The following LRRC63 variants were observed in gnomAD, a reference collection of about 807,000 sequenced individuals.
The protein encoded by LRRC63 is leucine rich repeat containing 63, also known as leucine-rich repeat-containing protein 63.
A neutral mutation model predicts 49.5 loss-of-function variants in LRRC63; 40 were observed. The ratio of observed to expected loss-of-function variants is 0.81; its 90% confidence interval spans 0.63 to 1.05. LRRC63 has a LOEUF of 1.05. Among genes scored for constraint, LRRC63 ranks in the 50% least tolerant of loss-of-function variants. LRRC63 has a pLI of 0.00. For missense variants in LRRC63, 636 were observed against 663.1 expected, an observed-to-expected ratio of 0.96 and a Z score of 0.45; for synonymous variants, 191 against 221.1, an observed-to-expected ratio of 0.86 and a Z score of 1.21.
At chr13:46,217,146 C>T (rs946038420) in intron 2 of LRRC63, among the ~76,000 whole-genome samples, 2 of 152,184 alleles carry the variant, frequency 1.3e-5, no homozygotes, top group African/African-American at 2.4e-5. Flanking sequence ...GGAGGAGTCC[C>T]TCTTTTTCTG....
chr13:46,240,850 G>C (rs1265762940), intron 5 of LRRC63, among the ~76,000 whole-genome samples: 1 of 152,134 alleles, frequency 6.6e-6, no homozygotes, highest in African/African-American at 2.4e-5. Flanking sequence ...CAAGCAAATG[G>C]AAAAATGTTC....
At chr13:46,270,122 G>C in intron 9 of LRRC63, 1 of 670,546 alleles carries the variant, frequency 1.5e-6, no homozygotes, top group Non-Finnish European at 2.7e-6. Flanking sequence ...GCCTTTGTTC[G>C]TGGATCAATA....
intron 7 of LRRC63, among the ~76,000 whole-genome samples, chr13:46,258,312 G>A (rs1367511620): frequency 1.3e-5 from 2 of 150,324 alleles, no homozygotes; most frequent in African/African-American, 2.4e-5. Flanking sequence ...TGTATTTTTA[G>A]TAGAGACGGG....
Position 46,266,976 on chromosome 13 carries a change from A to C in LRRC63, c.1550+4A>C. On this transcript the variant is annotated splice_donor_region_variant and intron_variant, in intron 9 of 9. Coordinates refer to ENST00000595396, the Ensembl canonical transcript of LRRC63. ...AAGTTCAGAAGTTACTAAAATGGTG[A>C]GCAAATGCTGAAGCCCTTTTAACCA... 1 of 1,521,250 alleles carries C rather than the reference A, an allele frequency of 6.6e-7. No homozygotes were observed. Among genetic ancestry groups the C allele is most frequent in the South Asian group, 1.3e-5 (1 of 78,772 alleles). The allele number at this position is 1,521,250 out of a possible 1,614,324, so 94.2% of individuals were successfully genotyped here. A position where few individuals can be genotyped will look rare whatever the true frequency, so the allele number is the denominator to read the frequency against.
At position 46,258,534 on chromosome 13, in the gene LRRC63, GCA is replaced by G. The variant is rs1485798439; in HGVS notation, c.1227-3374_1227-3373del. On this transcript the variant is annotated intron_variant, in intron 7 of 9. Coordinates refer to ENST00000595396, the Ensembl canonical transcript of LRRC63. ...TAAGAAAATCTTGTAAATTGGCTGG[GCA>G]TGGTGGCTCACGCCTGTAATCCCAG... Among the ~76,000 whole-genome samples the G allele has an allele frequency of 1.5e-3, 221 of 151,076 alleles. 2 individuals carry two copies. Among genetic ancestry groups the G allele is most frequent in the East Asian group, 7.1e-3 (36 of 5,070 alleles).
At chr13:46,266,863 T>G in exon 9 of LRRC63, 3 of 1,549,668 alleles carry the variant, frequency 1.9e-6, no homozygotes, top group Non-Finnish European at 2.6e-6. Flanking sequence ...AGATAATTAT[T>G]TGAATAATCC....
rs146577862 is a variant in LRRC63 at position 46,218,110 on chromosome 13, A to G, written c.85+4991A>G. On this transcript the variant is annotated intron_variant, in intron 2 of 9. Coordinates refer to ENST00000595396, the Ensembl canonical transcript of LRRC63. ...GGGGTGGAGAGTTCTGTAGATGTCT[A>G]TTAGGTCTTCTTGGTCCAAAGCTGA... Among the ~76,000 whole-genome samples the G allele has an allele frequency of 2.4e-3, 364 of 152,320 alleles. 2 individuals carry two copies. The highest frequency in any genetic ancestry group is 7.7e-3 in the African/African-American group (321 of 41,570).
rs1230212129 is a variant in LRRC63, at chr13:46,237,008, G to C, written c.990+2659G>C. Among the ~76,000 whole-genome samples, 4 of 152,228 alleles carry C rather than the reference G, an allele frequency of 2.6e-5. No homozygotes were observed. In the South Asian group the frequency reaches 8.3e-4, roughly 32 times the overall value. Reference sequence around the variant, plus strand: ...CATTGTTGTAAATTTAGGATGCCAAGTGCAATCCCATAGTAACTACTACTG... The same window carrying C: ...CATTGTTGTAAATTTAGGATGCCAACTGCAATCCCATAGTAACTACTACTG... On this transcript the variant is annotated intron_variant, in intron 5 of 9. Transcript: ENST00000595396.
At chr13:46,255,645 A>AAAAAAAAAAAAAAAATATATATATAT (rs1555328641) in intron 7 of LRRC63, among the ~76,000 whole-genome samples, 17 of 129,448 alleles carry the variant, frequency 1.3e-4, no homozygotes, top group African/African-American at 4.9e-4. Context: ...CCCTGCCTCA[A>AAAAAAAAAAAAAAAATATATATATAT]ATATATATAT....
intron 5 of LRRC63, among the ~76,000 whole-genome samples, chr13:46,241,073 G>A (rs917718100): frequency 6.6e-6 from 1 of 152,172 alleles, no homozygotes; most frequent in African/African-American, 2.4e-5. Flanking sequence ...CATGCTACCT[G>A]CCTTCGTACT....
At chr13:46,276,854 A>ATT (rs1197377473) in exon 10 of LRRC63, 42 of 118,870 alleles carry the variant, frequency 3.5e-4, no homozygotes, top group Middle Eastern at 5.0e-3. Context: ...ATATATATTT[A>ATT]TATATATATA....
At position 46,234,176 on chromosome 13, in the gene LRRC63, T is replaced by C. The variant is rs372818071; in HGVS notation, c.833-16T>C. 141 of 1,538,966 alleles carry C rather than the reference T, an allele frequency of 9.2e-5. No individual in the cohort carries two copies. In the African/African-American group the frequency reaches 1.7e-3, roughly 19 times the overall value. On this transcript the variant is annotated splice_polypyrimidine_tract_variant and intron_variant, in intron 4 of 9. Coordinates refer to ENST00000595396, the Ensembl canonical transcript of LRRC63. The stretch of plus-strand genomic sequence containing the variant: ...CACATTTAAATTTTATGTTTTGTTT[T>C]GTTTTGTTTATTTAGGTCTCACCAA...
At chr13:46,217,267 A>C (rs2046277863) in intron 2 of LRRC63, among the ~76,000 whole-genome samples, 1 of 152,178 alleles carries the variant, frequency 6.6e-6, no homozygotes, top group Non-Finnish European at 1.5e-5. Flanking sequence ...TAGGCTATTA[A>C]TTACTGCCTC....
chr13:46,247,820 A>G (rs2047256991), intron 6 of LRRC63, among the ~76,000 whole-genome samples: 1 of 152,132 alleles, frequency 6.6e-6, no homozygotes, highest in Non-Finnish European at 1.5e-5. Context: ...GAGAAGGTAG[A>G]AGCAGAAATG....
chr13:46,243,944 A>G (rs1438576408), intron 5 of LRRC63, among the ~76,000 whole-genome samples: 2 of 152,230 alleles, frequency 1.3e-5, no homozygotes, highest in Non-Finnish European at 2.9e-5. Flanking sequence ...AGAAAAGCTG[A>G]ATTCATTTTT....
At chr13:46,246,259 T>C (rs2047209918) in intron 5 of LRRC63, among the ~76,000 whole-genome samples, 1 of 152,200 alleles carries the variant, frequency 6.6e-6, no homozygotes. Context: ...CTTTTCTTTA[T>C]AAATTACCCA....
intron 2 of LRRC63, 99 bp from the exon 3 acceptor site, chr13:46,227,413 G>A: frequency 1.3e-6 from 1 of 783,660 alleles, no homozygotes. Flanking sequence ...TAGAAGGTGA[G>A]AAAGGGGTGA....
At chr13:46,228,579 A>G in intron 3 of LRRC63, 86 bp from the exon 4 acceptor site, 2 of 775,398 alleles carry the variant, frequency 2.6e-6, no homozygotes, top group South Asian at 3.2e-5. Context: ...CCATTAAATG[A>G]TGAACAATTA....
At chr13:46,238,043 C>CA (rs891328534) in intron 5 of LRRC63, among the ~76,000 whole-genome samples, 3 of 151,946 alleles carry the variant, frequency 2.0e-5, no homozygotes, top group Admixed American at 1.3e-4. Flanking sequence ...CAACAAAGAT[C>CA]AAAAAAGACA....
Sources: gnomAD v4.1 joint callset for allele counts (sites outside exome capture counted in the v4.1 genomes callset) on GRCh38, gnomAD v4.1.1 for gene constraint, MANE v1.5 for transcripts, NCBI Gene and HGNC (gene_info 2026-07-23, HGNC 2026-07-21) for gene names.